SLC38A6: variants seen among roughly 807,000 people sequenced by gnomAD.
SLC38A6 encodes solute carrier family 38 member 6.
Under a neutral mutation model 65.0 loss-of-function variants are expected in SLC38A6, and 73 were observed. The observed-to-expected ratio is 1.12, with a 90% CI of 0.93 to 1.37. The LOEUF (loss-of-function observed/expected upper bound fraction) is 1.37, where lower values mean the gene tolerates loss of function less well. Ranked by LOEUF, SLC38A6 falls within the 40% of genes most tolerant of loss-of-function variation. SLC38A6 has a pLI of 0.00. For synonymous variants in SLC38A6, 183 were observed against 178.8 expected, an observed-to-expected ratio of 1.02 and a Z score of -0.19; for missense variants, 561 against 531.1, an observed-to-expected ratio of 1.06 and a Z score of -0.55.
chr14:61,040,797 T>G (rs2041755619), intron 8 of SLC38A6, among the ~76,000 whole-genome samples: 1 of 152,208 alleles, frequency 6.6e-6, no homozygotes, highest in Admixed American at 6.5e-5. Context: ...AGAGAATTAT[T>G]TAAATGGTTT....
At chr14:61,045,982 A>C (rs978173559) in intron 11 of SLC38A6, 85 bp from the exon 12 acceptor site, 17 of 729,970 alleles carry the variant, frequency 2.3e-5, no homozygotes, top group Non-Finnish European at 3.4e-5. Context: ...TGAATGAGGA[A>C]TTCTCTCGAC....
At chr14:61,077,912 T>C (rs2043481593) in intron 15 of SLC38A6, among the ~76,000 whole-genome samples, 1 of 152,248 alleles carries the variant, frequency 6.6e-6, no homozygotes, top group Non-Finnish European at 1.5e-5. Flanking sequence ...TGTAGCAATC[T>C]AGAACTTTAT....
At chr14:61,026,113 A>T (rs537605731) in intron 5 of SLC38A6, among the ~76,000 whole-genome samples, 1 of 152,252 alleles carries the variant, frequency 6.6e-6, no homozygotes, top group African/African-American at 2.4e-5. Context: ...AACTGTAATG[A>T]TGTCTTAGGC....
At chr14:60,982,146 A>T (rs2037095998) in intron 1 of SLC38A6, 1 of 461,120 alleles carries the variant, frequency 2.2e-6, no homozygotes, top group Non-Finnish European at 4.3e-6. Flanking sequence ...TCCCAGGTTG[A>T]CTCAGCAATT....
chr14:61,045,520 C>A, intron 11 of SLC38A6, 95 bp downstream of exon 11: 2 of 905,930 alleles, frequency 2.2e-6, no homozygotes, highest in South Asian at 1.6e-5. Context: ...TTAATCCTTT[C>A]CTCTCATCAG....
intron 6 of SLC38A6, among the ~76,000 whole-genome samples, chr14:61,035,546 C>T (rs2041298345): frequency 6.6e-6 from 1 of 152,128 alleles, no homozygotes. Flanking sequence ...TAGATTGCCA[C>T]TACATTTTTA....
chr14:61,048,572 A>G (rs964644635), intron 12 of SLC38A6, among the ~76,000 whole-genome samples: 1 of 152,174 alleles, frequency 6.6e-6, no homozygotes, highest in African/African-American at 2.4e-5. Context: ...CATCCTGGGA[A>G]AGTAGAAAGT....
intron 5 of SLC38A6, among the ~76,000 whole-genome samples, chr14:61,025,223 A>G (rs1425239687): frequency 6.6e-6 from 1 of 152,204 alleles, no homozygotes; most frequent in Non-Finnish European, 1.5e-5. Context: ...GAATTATAAA[A>G]ATCTCAAATT....
intron 12 of SLC38A6, among the ~76,000 whole-genome samples, chr14:61,046,771 A>G (rs1334655710): frequency 1.3e-5 from 2 of 152,138 alleles, no homozygotes; most frequent in Non-Finnish European, 2.9e-5. Flanking sequence ...TCTGCTTTGT[A>G]TGTTGACTTT....
intron 3 of SLC38A6, among the ~76,000 whole-genome samples, chr14:60,995,862 G>T (rs1038494986): frequency 6.6e-6 from 1 of 152,152 alleles, no homozygotes; most frequent in Non-Finnish European, 1.5e-5. Context: ...ATCAGTGGTT[G>T]CCAGAGTTTA....
At chr14:61,053,896 A>G (rs939417716), downstream of SLC38A6, among the ~76,000 whole-genome samples, 3 of 151,820 alleles carry the variant, frequency 2.0e-5, no homozygotes, top group African/African-American at 7.3e-5. Context: ...TTTGTCAGTT[A>G]ATTTTTGCTT....
chr14:61,025,438 A>T (rs2040553981), intron 5 of SLC38A6, among the ~76,000 whole-genome samples: 1 of 152,102 alleles, frequency 6.6e-6, no homozygotes, highest in Admixed American at 6.6e-5. Flanking sequence ...TGGTCAGTTT[A>T]TCTGTGGTGA....
intron 15 of SLC38A6, among the ~76,000 whole-genome samples, chr14:61,069,243 T>G (rs2043138927): frequency 6.6e-6 from 1 of 152,138 alleles, no homozygotes; most frequent in Non-Finnish European, 1.5e-5. Context: ...TTTTGCCTGT[T>G]ACTGTTCTCT....
chr14:61,064,147 A>T (rs903665507), intron 15 of SLC38A6, among the ~76,000 whole-genome samples: 5 of 152,120 alleles, frequency 3.3e-5, no homozygotes, highest in Non-Finnish European at 5.9e-5. Context: ...TCTCCTACTA[A>T]TAATGCCTTC....
intron 3 of SLC38A6, among the ~76,000 whole-genome samples, chr14:61,005,013 G>T (rs2038986873): frequency 6.6e-6 from 1 of 152,060 alleles, no homozygotes. Flanking sequence ...TTCATCCCTA[G>T]GATGCAAGGC....
chr14:61,045,975 A>G (rs1409628168), intron 11 of SLC38A6, 92 bp from the exon 12 acceptor site: 2 of 680,392 alleles, frequency 2.9e-6, no homozygotes, highest in African/African-American at 1.8e-5. Context: ...TTGTTCTTGA[A>G]TGAGGAATTC....
chr14:60,999,514 C>T (rs753602828), intron 3 of SLC38A6, among the ~76,000 whole-genome samples: 8 of 152,048 alleles, frequency 5.3e-5, no homozygotes, highest in Admixed American at 2.0e-4. Flanking sequence ...AAATGAAATT[C>T]CCATAGGTAT....
intron 3 of SLC38A6, among the ~76,000 whole-genome samples, chr14:60,996,209 A>G (rs561745589): frequency 6.6e-6 from 1 of 152,356 alleles, no homozygotes; most frequent in South Asian, 2.1e-4. Flanking sequence ...ATTAAAGAAA[A>G]CACAAGGAAA....
chr14:61,029,258 C>T (rs970920752), intron 5 of SLC38A6, among the ~76,000 whole-genome samples: 10 of 150,858 alleles, frequency 6.6e-5, no homozygotes, highest in African/African-American at 1.9e-4. Context: ...CAGTTTCAAG[C>T]GATTCTCCTG....
Sources: allele counts gnomAD v4.1 joint callset (sites outside exome capture counted in the v4.1 genomes callset), GRCh38; gene constraint gnomAD v4.1.1; transcripts MANE v1.5; gene names NCBI Gene and HGNC (gene_info 2026-07-23, HGNC 2026-07-21).